Variants in ANXA13 observed in about 807,000 individuals in gnomAD.
The protein encoded by ANXA13 is annexin A13, also known as annexin XIII.
A neutral mutation model predicts 46.6 loss-of-function variants in ANXA13; 36 were observed. The observed-to-expected ratio is 0.77, with a 90% CI of 0.59 to 1.02. The LOEUF is 1.02. Ranked by LOEUF, ANXA13 falls within the 50% of genes least tolerant of loss-of-function variation. The pLI is 0.00. For missense variants in ANXA13, 417 were observed against 396.5 expected (o/e 1.05, Z -0.44); for synonymous variants, 163 against 152.9 (o/e 1.07, Z -0.49).
chr8:123,727,583 G>C (rs1427043897), intron 1 of ANXA13: 1 of 151,880 alleles, frequency 6.6e-6, no homozygotes, highest in Non-Finnish European at 1.5e-5. Flanking sequence ...TCTAGTGATA[G>C]AGGCCAGGAT....
At position 123,702,581 on chromosome 8, in the gene ANXA13, G is replaced by A. The variant is rs563968081; in HGVS notation, c.186+61C>T. 6,527 of 1,370,970 alleles carry A rather than the reference G, an allele frequency of 4.8e-3. 18 individuals are homozygous for A. The highest frequency in any genetic ancestry group is 6.1e-3 in the Non-Finnish European group (5,872 of 959,704). The allele number at this position is 1,370,970 out of a possible 1,614,324, so 84.9% of individuals were successfully genotyped here. A position where few individuals can be genotyped will look rare whatever the true frequency, so the allele number is the denominator to read the frequency against. Reference sequence around the variant, plus strand: ...TATTCTGCGTGGCCTGGGGACATGAGGAAGCCGAGACGGCTGAGGCCATGG... The same window carrying A: ...TATTCTGCGTGGCCTGGGGACATGAAGAAGCCGAGACGGCTGAGGCCATGG... On this transcript the variant is annotated intron_variant, in intron 3 of 10. Coordinates refer to ENST00000419625, the MANE Select transcript of ANXA13 (RefSeq NM_004306.4).
chr8:123,712,530 A>G, intron 2 of ANXA13, 148 bp downstream of exon 2: 1 of 705,658 alleles, frequency 1.4e-6, no homozygotes, highest in South Asian at 1.7e-5. Flanking sequence ...GAACTTTAAT[A>G]AAGAGGTTAG....
chr8:123,731,227 C>A (rs1165041954), intron 1 of ANXA13, among the ~76,000 whole-genome samples: 1 of 152,108 alleles, frequency 6.6e-6, no homozygotes, highest in Non-Finnish European at 1.5e-5. Flanking sequence ...CCTGGGAGAC[C>A]TCATTTGAAA....
intron 1 of ANXA13, among the ~76,000 whole-genome samples, chr8:123,721,750 G>C (rs144093686): frequency 4.6e-5 from 7 of 152,292 alleles, no homozygotes; most frequent in African/African-American, 1.7e-4. Flanking sequence ...GAGAATGACA[G>C]CAAAATATAG....
At chr8:123,695,044 G>A (rs1312201166) in intron 6 of ANXA13, among the ~76,000 whole-genome samples, 3 of 152,086 alleles carry the variant, frequency 2.0e-5, no homozygotes, top group African/African-American at 7.2e-5. Flanking sequence ...TCCTGGCTGA[G>A]TTTCTTGTTG....
chr8:123,683,558 C>G (rs1389682369), intron 10 of ANXA13, among the ~76,000 whole-genome samples: 1 of 151,212 alleles, frequency 6.6e-6, no homozygotes, highest in Non-Finnish European at 1.5e-5. Flanking sequence ...GTCTGTGGCC[C>G]CATATCCCGA....
At chr8:123,701,293 T>TA (rs1372838539) in intron 3 of ANXA13, among the ~76,000 whole-genome samples, 1 of 151,952 alleles carries the variant, frequency 6.6e-6, no homozygotes, top group Non-Finnish European at 1.5e-5. Flanking sequence ...AAAATTAAAA[T>TA]ACAAAAATTT....
At position 123,727,726 on chromosome 8, in the gene ANXA13, C is replaced by G. The variant is rs1411108394; in HGVS notation, c.15+9594G>C. The G allele has an allele frequency of 2.0e-5, 3 of 149,758 alleles. No homozygotes were observed. In the East Asian group the frequency reaches 5.9e-4, roughly 29 times the overall value. 9.3% of individuals were successfully genotyped at this position (149,758 alleles called of 1,614,324 possible). ...ATGTGCCAAGGGTCCACAACCCTGGCTGAATGGTTGTAACGATTCTGTCAA... is the reference window on the plus strand; with the variant it reads ...ATGTGCCAAGGGTCCACAACCCTGGGTGAATGGTTGTAACGATTCTGTCAA... On this transcript the variant is annotated intron_variant, in intron 1 of 10. Coordinates refer to ENST00000419625, the MANE Select transcript of ANXA13 (RefSeq NM_004306.4).
chr8:123,696,706 G>A (rs1021336954), intron 4 of ANXA13, among the ~76,000 whole-genome samples: 9 of 152,168 alleles, frequency 5.9e-5, no homozygotes, highest in African/African-American at 2.2e-4. Flanking sequence ...GATCACTTGT[G>A]TTTGTGCAGC....
intron 4 of ANXA13, 28 bp downstream of exon 4, chr8:123,698,361 C>A: frequency 6.2e-7 from 1 of 1,609,722 alleles, no homozygotes; most frequent in Non-Finnish European, 8.5e-7. Context: ...GTGTGTGATG[C>A]TCCCTTGCGG....
At chr8:123,724,220 C>T (rs564570218) in intron 1 of ANXA13, among the ~76,000 whole-genome samples, 75 of 152,240 alleles carry the variant, frequency 4.9e-4, no homozygotes, top group Middle Eastern at 3.4e-3. Context: ...CTAAGACCTT[C>T]GGGTGTGAAA....
intron 2 of ANXA13, among the ~76,000 whole-genome samples, chr8:123,709,881 C>T (rs1813623112): frequency 6.6e-6 from 1 of 152,158 alleles, no homozygotes; most frequent in Admixed American, 6.5e-5. Context: ...GCCTCAGCCT[C>T]CCGAGTAGCT....
intron 10 of ANXA13, among the ~76,000 whole-genome samples, chr8:123,683,629 C>G (rs1449411141): frequency 7.1e-6 from 1 of 140,558 alleles, no homozygotes; most frequent in Admixed American, 7.5e-5. Flanking sequence ...CTCTGTTACT[C>G]AGACTGGAGT....
intron 3 of ANXA13, among the ~76,000 whole-genome samples, chr8:123,700,197 T>C (rs1276226795): frequency 6.6e-6 from 1 of 152,202 alleles, no homozygotes; most frequent in Non-Finnish European, 1.5e-5. Context: ...CAGTACTCTA[T>C]GGTGTGGAGT....
chr8:123,706,211 C>A (rs919478714), intron 2 of ANXA13, among the ~76,000 whole-genome samples: 1 of 152,194 alleles, frequency 6.6e-6, no homozygotes, highest in African/African-American at 2.4e-5. Context: ...TCGTGGGAAT[C>A]CAATTACTCA....
At position 123,681,293 on chromosome 8, in the gene ANXA13, G is replaced by A. The variant is rs201212750; in HGVS notation, c.898C>T (p.Arg300Cys). Reference sequence around the variant, plus strand: ...CGGAAGTCCCCGGAGGTATCTGAGCGAACCATGTCAGAGAGAGACTTCTGA... The same window carrying A: ...CGGAAGTCCCCGGAGGTATCTGAGCAAACCATGTCAGAGAGAGACTTCTGA... ...KYQKSLSDMVRSDTSGDFRKL... is the reference protein window; with the variant it reads ...KYQKSLSDMVCSDTSGDFRKL... The change falls in exon 11 of 11, where the codon CGC (arginine) becomes TGC (cysteine). Residue 300 changes from arginine (R) to cysteine (C), a missense_variant. By Grantham distance (180) the Arg-to-Cys change is radical. Coordinates refer to ENST00000419625, the MANE Select transcript of ANXA13 (RefSeq NM_004306.4). 4.2e-5 allele frequency: 67 copies of A among 1,614,178 alleles called. No homozygotes were observed. Among genetic ancestry groups the A allele is most frequent in the African/African-American group, 5.3e-5 (4 of 75,066 alleles).
chr8:123,722,589 A>G (rs1363227241), intron 1 of ANXA13, among the ~76,000 whole-genome samples: 1 of 152,212 alleles, frequency 6.6e-6, no homozygotes, highest in Non-Finnish European at 1.5e-5. Context: ...ACAGACAGCC[A>G]TCTCCCAGTG....
At chr8:123,695,636 G>C in intron 5 of ANXA13, 52 bp downstream of exon 5, 2 of 1,610,696 alleles carry the variant, frequency 1.2e-6, no homozygotes, top group Non-Finnish European at 1.7e-6. Context: ...TTTCCCAGAG[G>C]TATTTTGAAA....
intron 2 of ANXA13, among the ~76,000 whole-genome samples, chr8:123,707,282 T>C (rs753408641): frequency 1.4e-4 from 22 of 152,224 alleles, no homozygotes; most frequent in Non-Finnish European, 2.6e-4. Context: ...TTGTATGTGA[T>C]ATTCAGATGG....
Sources: allele counts gnomAD v4.1 joint callset (sites outside exome capture counted in the v4.1 genomes callset), GRCh38; gene constraint gnomAD v4.1.1; transcripts MANE v1.5; gene names NCBI Gene and HGNC (gene_info 2026-07-23, HGNC 2026-07-21).